EYA4: variants seen among roughly 807,000 people sequenced by gnomAD.
EYA4 encodes EYA transcriptional coactivator and phosphatase 4.
Under a neutral mutation model 87.9 loss-of-function variants are expected in EYA4, and 31 were observed. That is an observed-to-expected ratio of 0.35 (90% confidence interval 0.27 to 0.48). The LOEUF is 0.48. Ranked by LOEUF, EYA4 falls within the 20% of genes least tolerant of loss-of-function variation. The pLI, the probability that EYA4 is intolerant of heterozygous loss-of-function variation, is 0.99. For synonymous variants in EYA4, 263 were observed against 270.6 expected (o/e 0.97, Z 0.28); for missense variants, 678 against 761.4 (o/e 0.89, Z 1.29).
intron 2 of EYA4, among the ~76,000 whole-genome samples, chr6:133,312,570 T>C (rs1780313425): frequency 6.6e-6 from 1 of 152,194 alleles, no homozygotes; most frequent in African/African-American, 2.4e-5. Flanking sequence ...TGTGAGTTGG[T>C]ATTGGTATAC....
At chr6:133,318,090 A>G (rs1780765501) in intron 2 of EYA4, among the ~76,000 whole-genome samples, 1 of 152,220 alleles carries the variant, frequency 6.6e-6, no homozygotes, top group South Asian at 2.1e-4. Flanking sequence ...GTAATTGTTT[A>G]TTGACCTACA....
chr6:133,321,809 G>A (rs1391397389), intron 2 of EYA4, among the ~76,000 whole-genome samples: 1 of 152,116 alleles, frequency 6.6e-6, no homozygotes, highest in Non-Finnish European at 1.5e-5. Flanking sequence ...AGCACCACAC[G>A]AGTTCAGTTT....
intron 2 of EYA4, among the ~76,000 whole-genome samples, chr6:133,379,315 A>C (rs759995283): frequency 6.6e-6 from 1 of 152,078 alleles, no homozygotes; most frequent in Non-Finnish European, 1.5e-5. Flanking sequence ...CTTATATAGC[A>C]TATATGGGTC....
At chr6:133,417,618 C>T (rs1309068903) in intron 3 of EYA4, among the ~76,000 whole-genome samples, 1 of 152,144 alleles carries the variant, frequency 6.6e-6, no homozygotes, top group Non-Finnish European at 1.5e-5. Flanking sequence ...ACACAACCCT[C>T]ATACATATAC....
chr6:133,491,549 A>C (rs79580072), intron 13 of EYA4, among the ~76,000 whole-genome samples: 1,651 of 152,276 alleles, frequency 0.011, 33 homozygotes, highest in African/African-American at 0.038. Flanking sequence ...TGGAAAATCT[A>C]GATGAAATGG....
intron 3 of EYA4, among the ~76,000 whole-genome samples, chr6:133,388,207 G>A (rs1220763734): frequency 2.6e-5 from 4 of 151,736 alleles, no homozygotes; most frequent in African/African-American, 9.7e-5. Flanking sequence ...GGGAGTTCGA[G>A]ACCAGCCTGG....
chr6:133,524,270 G>A lies in EYA4; in HGVS notation c.1739-884G>A, dbSNP rs551653434. The stretch of plus-strand genomic sequence containing the variant: ...TAAAGACAATATTCTTTCTGTTGGC[G>A]AAATAGTTCCTTATATTCTTTAATC... On this transcript the variant is annotated intron_variant, in intron 18 of 19. Coordinates refer to ENST00000355286, the MANE Select transcript of EYA4 (RefSeq NM_004100.5). 9.9e-5 allele frequency among the ~76,000 whole-genome samples: 15 copies of A among 152,190 alleles called. No individual in the cohort carries two copies. In the South Asian group the frequency reaches 1.7e-3, roughly 17 times the overall value.
chr6:133,270,061 G>A (rs988859843), intron 1 of EYA4, among the ~76,000 whole-genome samples: 1 of 152,190 alleles, frequency 6.6e-6, no homozygotes, highest in Non-Finnish European at 1.5e-5. Flanking sequence ...CAGCGGATTA[G>A]ATTGTACCCA....
intron 3 of EYA4, among the ~76,000 whole-genome samples, chr6:133,425,512 C>T (rs1889947): frequency 0.3 from 45,685 of 150,214 alleles, 7,996 homozygotes; most frequent in East Asian, 0.48. Flanking sequence ...AATTAAATCA[C>T]TCATCTTTCA....
chr6:133,408,682 G>A (rs931423918), intron 3 of EYA4, among the ~76,000 whole-genome samples: 2 of 152,102 alleles, frequency 1.3e-5, no homozygotes, highest in African/African-American at 4.8e-5. Flanking sequence ...TACCTCATAT[G>A]TTTCCATGAG....
At chr6:133,300,434 C>A (rs1310402445) in intron 2 of EYA4, among the ~76,000 whole-genome samples, 1 of 152,064 alleles carries the variant, frequency 6.6e-6, no homozygotes, top group Non-Finnish European at 1.5e-5. Context: ...GATCTTCCTT[C>A]AGAAGTTAGT....
intron 13 of EYA4, among the ~76,000 whole-genome samples, chr6:133,488,361 G>C (rs1233432349): frequency 1.3e-5 from 2 of 152,086 alleles, no homozygotes; most frequent in Non-Finnish European, 2.9e-5. Flanking sequence ...ATACAAACTT[G>C]GCTAGTTTTG....
chr6:133,293,608 G>A (rs1473942513), intron 2 of EYA4, among the ~76,000 whole-genome samples: 1 of 152,072 alleles, frequency 6.6e-6, no homozygotes, highest in Non-Finnish European at 1.5e-5. Context: ...ACTGGAGTCA[G>A]AGTTAAACTG....
chr6:133,439,263 C>A (rs1792033246), intron 3 of EYA4: 1 of 152,046 alleles, frequency 6.6e-6, no homozygotes, highest in African/African-American at 2.4e-5. Flanking sequence ...TCTTCTGATT[C>A]CTGACTGCCA....
At chr6:133,446,133 G>T (rs1004264707) in intron 3 of EYA4, among the ~76,000 whole-genome samples, 1 of 152,008 alleles carries the variant, frequency 6.6e-6, no homozygotes, top group Admixed American at 6.6e-5. Flanking sequence ...CATATTGGTG[G>T]CAGGGGATGC....
chr6:133,349,547 G>A (rs899004203), intron 2 of EYA4, among the ~76,000 whole-genome samples: 1 of 152,284 alleles, frequency 6.6e-6, no homozygotes, highest in East Asian at 1.9e-4. Flanking sequence ...GAAAATGATG[G>A]CAAGTTAGTT....
intron 3 of EYA4, among the ~76,000 whole-genome samples, chr6:133,414,560 T>C (rs77096240): frequency 0.055 from 8,330 of 152,090 alleles, 682 homozygotes; most frequent in African/African-American, 0.17. Context: ...GAAAGAAGGG[T>C]GGGGCCCTTT....
intron 1 of EYA4, among the ~76,000 whole-genome samples, chr6:133,250,199 G>T: frequency 6.6e-6 from 1 of 152,282 alleles, no homozygotes; most frequent in South Asian, 2.1e-4. Context: ...GTATGTATAC[G>T]TGAATGTAGA....
intron 2 of EYA4, among the ~76,000 whole-genome samples, chr6:133,353,564 A>G (rs533257147): frequency 4.6e-5 from 7 of 152,180 alleles, no homozygotes; most frequent in Non-Finnish European, 1.0e-4. Context: ...TGTTTTGACC[A>G]TTACCTGGTA....
Sources: gnomAD v4.1 joint callset for allele counts (sites outside exome capture counted in the v4.1 genomes callset) on GRCh38, gnomAD v4.1.1 for gene constraint, MANE v1.5 for transcripts, NCBI Gene and HGNC (gene_info 2026-07-23, HGNC 2026-07-21) for gene names.